The following VWDE variants were observed in gnomAD, a reference collection of about 807,000 sequenced individuals.
VWDE encodes the protein von Willebrand factor D and EGF domains, also known as von Willebrand factor D and EGF domain-containing protein.
A neutral mutation model predicts 178.4 loss-of-function variants in VWDE; 207 were observed. The ratio of observed to expected loss-of-function variants is 1.16; its 90% CI spans 1.04 to 1.30. The LOEUF is 1.30. VWDE is among the 50% of genes most tolerant of loss of function. The probability of loss-of-function intolerance (pLI) is 0.00; values close to 1 mark genes in which losing one functional copy is unlikely to be tolerated. For synonymous variants in VWDE, 738 were observed against 651.4 expected (o/e 1.13, Z -2.02); for missense variants, 2,287 against 1,901.3 (o/e 1.20, Z -3.77).
intron 23 of VWDE, among the ~76,000 whole-genome samples, 177 bp downstream of exon 23, chr7:12,341,882 A>G (rs1265574693): frequency 1.3e-5 from 2 of 152,230 alleles, no homozygotes; most frequent in Non-Finnish European, 2.9e-5. Context: ...ACGGTTCAAC[A>G]TAAAAACAAA....
At chr7:12,333,340 G>T (rs1780834355) in intron 28 of VWDE, 125 bp downstream of exon 28, 3 of 638,256 alleles carry the variant, frequency 4.7e-6, no homozygotes, top group Non-Finnish European at 7.7e-6. Flanking sequence ...TAATTTTAGA[G>T]GCAAATAAAT....
At position 12,342,112 on chromosome 7, in the gene VWDE, G is replaced by A. The variant is rs1246776911; in HGVS notation, c.4217C>T (p.Thr1406Ile). ...AGGTTTGCACTGGCAAATATCTGGTGTAAGACACTGGCCTCCATTTTCACA... is the reference window on the plus strand; with the variant it reads ...AGGTTTGCACTGGCAAATATCTGGTATAAGACACTGGCCTCCATTTTCACA... The part of the protein sequence containing the change: ...RHCENGGQCL[T>I]PDICQCKPGW... Residue 1406 changes from threonine to isoleucine, a missense_variant, in exon 23 of 29, where the codon ACA becomes ATA. By Grantham distance (89) the Thr-to-Ile change is moderately conservative. Transcript: ENST00000275358. 1 of 1,551,526 alleles carries A rather than the reference G, an allele frequency of 6.4e-7. No individual in the cohort carries two copies. Among genetic ancestry groups the A allele is most frequent in the Admixed American group, 2.0e-5 (1 of 50,992 alleles).
intron 28 of VWDE, among the ~76,000 whole-genome samples, chr7:12,333,062 G>A (rs1180475420): frequency 1.3e-5 from 2 of 152,074 alleles, no homozygotes; most frequent in Admixed American, 6.6e-5. Flanking sequence ...GTTGATATTT[G>A]GAAATTTAAG....
At chr7:12,386,814 G>A (rs1784120188) in intron 3 of VWDE, among the ~76,000 whole-genome samples, 1 of 152,114 alleles carries the variant, frequency 6.6e-6, no homozygotes, top group Non-Finnish European at 1.5e-5. Context: ...ATAATTGCAT[G>A]AATACTCTGT....
chr7:12,342,305 A>G (rs1435378905), intron 22 of VWDE, among the ~76,000 whole-genome samples, 151 bp from the exon 23 acceptor site: 2 of 152,224 alleles, frequency 1.3e-5, no homozygotes, highest in African/African-American at 4.8e-5. Context: ...CGGGTTTCAA[A>G]TGCTTTCTGA....
chr7:12,391,892 C>T (rs1396661904), intron 2 of VWDE, among the ~76,000 whole-genome samples: 1 of 152,052 alleles, frequency 6.6e-6, no homozygotes, highest in Non-Finnish European at 1.5e-5. Flanking sequence ...GTTGCATGAC[C>T]TCTAGGTTAA....
chr7:12,346,447 G>T (rs1266663865), intron 19 of VWDE, among the ~76,000 whole-genome samples: 1 of 151,952 alleles, frequency 6.6e-6, no homozygotes, highest in African/African-American at 2.4e-5. Context: ...AAGAAGACAG[G>T]AACTAAATGT....
intron 3 of VWDE, among the ~76,000 whole-genome samples, chr7:12,385,921 G>A (rs2128559994): frequency 6.6e-6 from 1 of 152,214 alleles, no homozygotes; most frequent in East Asian, 1.9e-4. Context: ...GGATGATAGT[G>A]ACATTAACAA....
At chr7:12,331,918 A>G (rs377107706) in intron 28 of VWDE, among the ~76,000 whole-genome samples, 1 of 152,074 alleles carries the variant, frequency 6.6e-6, no homozygotes, top group Non-Finnish European at 1.5e-5. Flanking sequence ...GTCTCTAGCC[A>G]GTAATTCTTT....
chr7:12,399,880 T>A (rs944980185), intron 1 of VWDE, among the ~76,000 whole-genome samples: 2 of 152,160 alleles, frequency 1.3e-5, no homozygotes, highest in African/African-American at 4.8e-5. Flanking sequence ...TAAAGTATGT[T>A]CTGTGATTAC....
intron 19 of VWDE, among the ~76,000 whole-genome samples, chr7:12,349,663 A>C (rs1781824974): frequency 6.6e-6 from 1 of 151,984 alleles, no homozygotes; most frequent in East Asian, 1.9e-4. Context: ...CCTACAAATC[A>C]ATAAAAAAGG....
intron 16 of VWDE, 145 bp from the exon 17 acceptor site, chr7:12,357,660 C>T (rs1782336108): frequency 1.1e-6 from 1 of 890,502 alleles, no homozygotes; most frequent in South Asian, 1.8e-5. Flanking sequence ...TTTTTTTTAA[C>T]ATTCTGAGTA....
At chr7:12,374,102 G>A (rs1469401169) in intron 9 of VWDE, among the ~76,000 whole-genome samples, 2 of 151,986 alleles carry the variant, frequency 1.3e-5, no homozygotes, top group African/African-American at 4.8e-5. Flanking sequence ...AGACATCTCA[G>A]AACCATGAAT....
chr7:12,380,841 C>G (rs1783818166), intron 4 of VWDE, 108 bp from the exon 5 acceptor site: 4 of 1,294,638 alleles, frequency 3.1e-6, no homozygotes, highest in East Asian at 2.5e-5. Context: ...TAAGAAAAAG[C>G]AAGCTAAATT....
In VWDE at chr7:12,379,526, T is replaced by C. The variant is rs754423319; in HGVS notation, c.830A>G (p.His277Arg). 6.4e-6 allele frequency: 10 copies of C among 1,550,676 alleles called. No homozygotes were observed. The highest frequency in any genetic ancestry group is 1.2e-5 in the South Asian group (1 of 83,964). ...GCTTTCGATGGCTACACTTTGTACA[T>C]GAGGATTCTCCAAGAAAAAGACAGA... ...SASVFFLENPHVQSVAIESQE... is the reference protein window; with the variant it reads ...SASVFFLENPRVQSVAIESQE... The change falls in exon 6 of 29, where the codon CAT becomes CGT. Residue 277 changes from histidine (H) to arginine (R), a missense_variant. His to Arg is a conservative substitution (Grantham distance 29). Transcript: ENST00000275358.
chr7:12,367,769 G>A (rs934651251), intron 12 of VWDE, among the ~76,000 whole-genome samples: 1 of 151,902 alleles, frequency 6.6e-6, no homozygotes, highest in Non-Finnish European at 1.5e-5. Context: ...ATCAATTAAG[G>A]ACAAATATTA....
chr7:12,346,693 T>C (rs1217036040), intron 19 of VWDE, among the ~76,000 whole-genome samples: 1 of 152,082 alleles, frequency 6.6e-6, no homozygotes, highest in Non-Finnish European at 1.5e-5. Context: ...ACTTCTTTGG[T>C]ATGGAAAAAT....
intron 3 of VWDE, among the ~76,000 whole-genome samples, chr7:12,387,045 C>A (rs1228395963): frequency 6.6e-6 from 1 of 151,818 alleles, no homozygotes; most frequent in Non-Finnish European, 1.5e-5. Flanking sequence ...AATAATTTAG[C>A]CTTATTTCTT....
intron 13 of VWDE, among the ~76,000 whole-genome samples, chr7:12,361,935 C>G (rs1442717092): frequency 6.6e-6 from 1 of 152,016 alleles, no homozygotes; most frequent in African/African-American, 2.4e-5. Context: ...CTTTCTGCCC[C>G]CTACACAATT....
Sources: gnomAD v4.1 joint callset for allele counts (sites outside exome capture counted in the v4.1 genomes callset) on GRCh38, gnomAD v4.1.1 for gene constraint, MANE v1.5 for transcripts, NCBI Gene and HGNC (gene_info 2026-07-23, HGNC 2026-07-21) for gene names.